The following U2SURP variants were observed in gnomAD, a reference collection of about 807,000 sequenced individuals.
U2SURP encodes U2 snRNP associated SURP domain containing, also known as U2 snRNP-associated SURP motif-containing protein.
Under a neutral mutation model 144.9 loss-of-function variants are expected in U2SURP, and 9 were observed. The observed-to-expected ratio is 0.06, with a 90% CI of 0.04 to 0.11. The LOEUF (loss-of-function observed/expected upper bound fraction) is 0.11, where lower values mean the gene tolerates loss of function less well. Ranked by LOEUF, U2SURP falls within the 10% of genes least tolerant of loss-of-function variation. The pLI is 1.00. For synonymous variants in U2SURP, 408 were observed against 396.8 expected, an observed-to-expected ratio of 1.03 and a Z score of -0.33; for missense variants, 724 against 1,226.7, an observed-to-expected ratio of 0.59 and a Z score of 6.12.
At chr3:143,024,556 G>A (rs180711443) in intron 13 of U2SURP, 390 of 424,490 alleles carry the variant, frequency 9.2e-4, no homozygotes, top group Non-Finnish European at 1.4e-3. Flanking sequence ...AAGGTATTTG[G>A]AATTCTTTTA....
At position 143,041,967 on chromosome 3, in the gene U2SURP, T is replaced by TAC. The variant is rs1166652426; in HGVS notation, c.2385-1149_2385-1148insCA. On this transcript the variant is annotated intron_variant, in intron 23 of 27. Coordinates refer to ENST00000473835, the MANE Select transcript of U2SURP (RefSeq NM_001080415.2). Reference sequence around the variant, plus strand: ...TTTGCCCAGATTTATTTGCCAATAGTATACACACACACACACACACACACA... The same window carrying TAC: ...TTTGCCCAGATTTATTTGCCAATAGTACATACACACACACACACACACACACA... 3.5e-5 allele frequency among the ~76,000 whole-genome samples: 5 copies of TAC among 143,924 alleles called. No individual in the cohort carries two copies. In the South Asian group the frequency reaches 8.4e-4, roughly 24 times the overall value. The allele number at this position is 143,924 out of a possible 152,430, so 94.4% of individuals were successfully genotyped here.
chr3:143,037,395 A>T, intron 21 of U2SURP, 60 bp downstream of exon 21: 1 of 1,446,736 alleles, frequency 6.9e-7, no homozygotes, highest in Non-Finnish European at 9.6e-7. Context: ...CAAAACTCTA[A>T]TTTCCATACA....
rs534210789 is a variant in U2SURP, at chr3:143,058,342, G to A, written c.*1892G>A. ...TTCTCTTCAAAAAAAGACATCCTGC[G>A]GGATTGAGTAGAAAATTTTAGGTCA... On this transcript the variant is annotated 3_prime_UTR_variant, in exon 28 of 28. Coordinates refer to ENST00000473835, the MANE Select transcript of U2SURP (RefSeq NM_001080415.2). 4 of 151,886 alleles carry A rather than the reference G, an allele frequency of 2.6e-5. No individual in the cohort carries two copies. The South Asian group carries it at 8.3e-4, about 32-fold the overall frequency. The allele number at this position is 151,886 out of a possible 1,614,324, so 9.4% of individuals were successfully genotyped here.
At chr3:143,004,353 G>GTTTTT (rs869186497) in intron 1 of U2SURP, among the ~76,000 whole-genome samples, 6 of 83,424 alleles carry the variant, frequency 7.2e-5, no homozygotes, top group African/African-American at 2.1e-4. Context: ...TAGTTGGGGT[G>GTTTTT]TTTTTTTTTT....
At chr3:143,017,551 TA>T (rs929197475) in intron 6 of U2SURP, among the ~76,000 whole-genome samples, 3 of 151,694 alleles carry the variant, frequency 2.0e-5, no homozygotes, top group African/African-American at 7.3e-5. Context: ...TTGTGTGGCT[TA>T]AAAAATATCT....
At chr3:143,039,061 C>T (rs1933960292) in intron 23 of U2SURP, 101 bp downstream of exon 23, 1 of 859,794 alleles carries the variant, frequency 1.2e-6, no homozygotes, top group African/African-American at 1.8e-5. Flanking sequence ...AAACTTCACT[C>T]TTAAAAAATT....
chr3:143,048,085 C>A (rs1000588584), intron 24 of U2SURP, among the ~76,000 whole-genome samples: 3 of 152,246 alleles, frequency 2.0e-5, no homozygotes, highest in African/African-American at 7.2e-5. Flanking sequence ...AGATCACTTT[C>A]TGTCCTGGTC....
intron 24 of U2SURP, among the ~76,000 whole-genome samples, chr3:143,049,841 A>T (rs1023169031): frequency 6.6e-6 from 1 of 152,160 alleles, no homozygotes; most frequent in African/African-American, 2.4e-5. Context: ...AAGCTCACTT[A>T]TTGCAGGTTT....
Position 143,043,265 on chromosome 3 carries a change from C to G in U2SURP, c.2533C>G (p.Arg845Gly), listed in dbSNP as rs775867155. The G allele has an allele frequency of 6.3e-7, 1 of 1,598,040 alleles. No individual in the cohort carries two copies. Among genetic ancestry groups the G allele is most frequent in the Non-Finnish European group, 8.5e-7 (1 of 1,172,290 alleles). ...GAGTGAGGAAAAACGAGCCAAACTTCGTGAAATTGAGGTTGGTGTTGCAGT... is the reference window on the plus strand; with the variant it reads ...GAGTGAGGAAAAACGAGCCAAACTTGGTGAAATTGAGGTTGGTGTTGCAGT... ...EMSEEKRAKL[R>G]EIELKVMKFQ... The change falls in exon 24 of 28, where the codon CGT becomes GGT. Residue 845 changes from arginine to glycine, a missense_variant. Arg to Gly is a moderately radical substitution (Grantham distance 125). This residue lies in a region of U2SURP where 18 missense variants were observed against 48.8 expected (regional missense o/e 0.37). Coordinates refer to ENST00000473835, the MANE Select transcript of U2SURP (RefSeq NM_001080415.2).
Position 143,059,032 on chromosome 3 carries a change from ATAAG to A in U2SURP, c.*2588_*2591del, listed in dbSNP as rs1433485561. On this transcript the variant is annotated 3_prime_UTR_variant, in exon 28 of 28. Coordinates refer to ENST00000473835, the MANE Select transcript of U2SURP (RefSeq NM_001080415.2). Reference sequence around the variant, plus strand: ...CCCTCTCTTCTGTAGGTGAGAGAAAATAAGTAAGTCTTGATCTGTTTCTTACCAA... The same window carrying A: ...CCCTCTCTTCTGTAGGTGAGAGAAAATAAGTCTTGATCTGTTTCTTACCAA... 1 of 152,292 alleles carries A rather than the reference ATAAG, an allele frequency of 6.6e-6. No homozygotes were observed. The highest frequency in any genetic ancestry group is 1.5e-5 in the Non-Finnish European group (1 of 67,824). The allele number at this position is 152,292 out of a possible 1,614,324, so 9.4% of individuals were successfully genotyped here. A position where few individuals can be genotyped will look rare whatever the true frequency, so the allele number is the denominator to read the frequency against.
At chr3:143,026,429 T>C (rs779890712) in intron 13 of U2SURP, 13 of 152,148 alleles carry the variant, frequency 8.5e-5, no homozygotes, top group Non-Finnish European at 1.2e-4. Flanking sequence ...TCTTCATTGA[T>C]TGATAGTGTA....
intron 20 of U2SURP, 74 bp downstream of exon 20, chr3:143,036,178 G>A (rs1032166449): frequency 4.2e-6 from 6 of 1,445,192 alleles, no homozygotes; most frequent in Non-Finnish European, 5.5e-6. Context: ...GTTGTTCTGT[G>A]TTACATATGT....
At chr3:143,031,074 A>G (rs751935393) in intron 16 of U2SURP, among the ~76,000 whole-genome samples, 7 of 152,200 alleles carry the variant, frequency 4.6e-5, no homozygotes, top group Non-Finnish European at 7.3e-5. Flanking sequence ...GAGCTCAAAG[A>G]TGGGACTGAA....
chr3:143,037,205 C>T lies in U2SURP; in HGVS notation c.2091C>T (p.Ala697=). The T allele has an allele frequency of 6.2e-7, 1 of 1,612,082 alleles. No individual in the cohort carries two copies. The highest frequency in any genetic ancestry group is 8.5e-7 in the Non-Finnish European group (1 of 1,179,012). ...ATGTTCCAGATGACCTTGATGGTGC[C>T]CCCATCGAGGAAGAGCTTGATGGTG... ...TEDVPDDLDG[A]PIEEELDGAP... The change falls in exon 21 of 28, where the codon GCC becomes GCT. Residue 697 remains alanine, a synonymous_variant. Coordinates refer to ENST00000473835, the MANE Select transcript of U2SURP (RefSeq NM_001080415.2).
intron 23 of U2SURP, among the ~76,000 whole-genome samples, chr3:143,040,564 A>G (rs1349262): frequency 0.68 from 102,269 of 151,498 alleles, 34,721 homozygotes; most frequent in African/African-American, 0.75. Flanking sequence ...TGATTTTTAA[A>G]GCATGTTTTG....
chr3:143,051,763 C>T lies in U2SURP; in HGVS notation c.2655+714C>T, dbSNP rs142377335. On this transcript the variant is annotated intron_variant, in intron 25 of 27. Transcript: ENST00000473835. ...TAAAGCAACTGTGGTGCTGCTCAGACCTGTGGAATGCTAGTACTGCTCTCT... is the reference window on the plus strand; with the variant it reads ...TAAAGCAACTGTGGTGCTGCTCAGATCTGTGGAATGCTAGTACTGCTCTCT... Among the ~76,000 whole-genome samples the T allele has an allele frequency of 8.7e-4, 132 of 152,130 alleles. 1 individual carries two copies. The East Asian group carries it at 0.014, about 16-fold the overall frequency.
rs750553979 is a variant in U2SURP, at chr3:143,033,256, CTT to C, written c.1774-12_1774-11del. ...CTTATATTAACCTATTTTGTGTTAT[CTT>C]TTGATATTATAGATTGCCAGATTAT... On this transcript the variant is annotated splice_polypyrimidine_tract_variant and intron_variant, in intron 17 of 27. Transcript: ENST00000473835. The C allele has an allele frequency of 2.2e-4, 327 of 1,471,462 alleles. 5 individuals carry two copies. The Admixed American group carries it at 5.4e-3, about 24-fold the overall frequency. 91.2% of individuals were successfully genotyped at this position (1,471,462 alleles called of 1,614,324 possible). A position where few individuals can be genotyped will look rare whatever the true frequency, so the allele number is the denominator to read the frequency against.
intron 20 of U2SURP, chr3:143,036,845 A>G (rs1933837202): frequency 3.8e-6 from 1 of 264,838 alleles, no homozygotes; most frequent in South Asian, 6.4e-5. Context: ...ACAGATAAGT[A>G]TATATTGTTG....
At chr3:143,024,928 A>T (rs1933042257) in intron 13 of U2SURP, among the ~76,000 whole-genome samples, 1 of 152,004 alleles carries the variant, frequency 6.6e-6, no homozygotes, top group African/African-American at 2.4e-5. Context: ...CCAGAATAAG[A>T]TAATTACCAT....
Sources: gnomAD v4.1 joint callset for allele counts (sites outside exome capture counted in the v4.1 genomes callset) on GRCh38, gnomAD v4.1.1 for gene constraint, gnomAD v4.1.1 regional missense constraint, MANE v1.5 for transcripts, NCBI Gene and HGNC (gene_info 2026-07-23, HGNC 2026-07-21) for gene names.